EMD: variants seen among roughly 807,000 people sequenced by gnomAD.
EMD encodes LEM domain containing 5.
In EMD, 2 loss-of-function variants were observed where a neutral mutation model predicts 15.2. The ratio of observed to expected loss-of-function variants is 0.13; its 90% CI spans 0.05 to 0.41. The LOEUF is 0.41. Ranked by LOEUF, EMD falls within the 10% of genes least tolerant of loss-of-function variation. The pLI is 0.99. For missense variants in EMD, 224 were observed against 213.4 expected (o/e 1.05, Z -0.31); for synonymous variants, 122 against 86.2 (o/e 1.42, Z -2.30).
At position 154,381,108 on chromosome X, in the gene EMD, T is replaced by C. The variant is rs1557182696; in HGVS notation, c.676T>C (p.Trp226Arg). The C allele has an allele frequency of 1.7e-6, 2 of 1,212,099 alleles. No homozygotes were observed. Among genetic ancestry groups the C allele is most frequent in the Admixed American group, 4.3e-5 (2 of 46,122 alleles). The part of the protein sequence containing the change: ...GLGQDRQVPL[W>R]GQLLLFLVFV... ...GGGCCAGGATCGCCAGGTCCCGCTC[T>C]GGGGCCAGCTGCTGCTTTTCCTGGT... is the stretch of plus-strand genomic sequence containing the variant. The change falls in exon 6 of 6, where the codon TGG (tryptophan) becomes CGG (arginine). Residue 226 changes from tryptophan (W) to arginine (R), a missense_variant. Transcript: ENST00000369842.
intron 4 of EMD, 26 bp from the exon 5 acceptor site, chrX:154,380,727 C>T (rs1557182532): frequency 2.5e-6 from 3 of 1,209,166 alleles, no homozygotes; most frequent in South Asian, 3.5e-5. Flanking sequence ...GCCAGCCAGT[C>T]CCCTCGCCCT....
rs1557182352 is a variant in EMD, at chrX:154,379,938, C to T, written c.188-4C>T. The T allele has an allele frequency of 8.3e-7, 1 of 1,209,957 alleles. No homozygotes were observed. The highest frequency in any genetic ancestry group is 1.1e-6 in the Non-Finnish European group (1 of 894,078). On this transcript the variant is annotated splice_polypyrimidine_tract_variant and splice_region_variant and intron_variant, in intron 2 of 5. Transcript: ENST00000369842. ...AACAGTTCTGTCTCCTCCTTTCAAT[C>T]CAGACTTGAATTCGACTAGAGGGGA...
chrX:154,379,863 G>A, intron 2 of EMD, 69 bp downstream of exon 2: 1 of 1,172,785 alleles, frequency 8.5e-7, no homozygotes, highest in Non-Finnish European at 1.2e-6. Context: ...GTGGCAGGGG[G>A]GCCGGTCGAG....
Position 154,381,272 on chromosome X carries a change from T to C in EMD, c.*75T>C. On this transcript the variant is annotated 3_prime_UTR_variant, in exon 6 of 6. Transcript: ENST00000369842. ...TGGCTGACTGCCTTAGCAGTGGGGG[T>C]GGGGGTGGGGGCAGGGGCAGGGGCT... The C allele has an allele frequency of 2.6e-5, 1 of 38,377 alleles. No homozygotes were observed. The highest frequency in any genetic ancestry group is 5.1e-5 in the Non-Finnish European group (1 of 19,590). The allele number at this position is 38,377 out of a possible 1,213,427, so 3.2% of individuals were successfully genotyped here.
rs1212579575 is a variant in EMD at position 154,380,766 on chromosome X, A to G, written c.413A>G (p.Asp138Gly). ...TCTCTTCTGCAGGTGCATGATGACG[A>G]TCTTTTGTCTTCTTCTGAAGAGGAG... ...DAFHHQVHDD[D>G]LLSSSEEECK... Residue 138 changes from aspartate to glycine, a missense_variant, in exon 5 of 6, where the codon GAT becomes GGT. Asp to Gly is a moderately conservative substitution (Grantham distance 94). Coordinates refer to ENST00000369842, the MANE Select transcript of EMD (RefSeq NM_000117.3). 2.3e-5 allele frequency: 28 copies of G among 1,211,683 alleles called. No individual in the cohort carries two copies. Among genetic ancestry groups the G allele is most frequent in the Non-Finnish European group, 3.1e-5 (28 of 895,472 alleles).
At position 154,381,397 on chromosome X, in the gene EMD, G is replaced by A. The variant is rs891368835; in HGVS notation, c.*200G>A. On this transcript the variant is annotated 3_prime_UTR_variant, in exon 6 of 6. Transcript: ENST00000369842. ...GAGGCAGCAGACTCAGGCCCTCCAT[G>A]GTCCTCTTTGTCATTTTGTTGACAT... is the stretch of plus-strand genomic sequence containing the variant. The A allele has an allele frequency of 4.4e-6, 2 of 456,390 alleles. No individual in the cohort carries two copies. The highest frequency in any genetic ancestry group is 7.2e-6 in the Non-Finnish European group (2 of 276,861). 37.6% of individuals were successfully genotyped at this position (456,390 alleles called of 1,213,427 possible).
Position 154,379,333 on chromosome X carries a change from G to A in EMD, c.-152G>A. On this transcript the variant is annotated 5_prime_UTR_variant, in exon 1 of 6. Transcript: ENST00000369842. ...AGCGGCCGTGACGCGACAACGATTC[G>A]GCTGTGACGCGACAACGATTCGGCT... 2 of 555,956 alleles carry A rather than the reference G, an allele frequency of 3.6e-6. No homozygotes were observed. The highest frequency in any genetic ancestry group is 2.5e-5 in the African/African-American group (1 of 40,692). The allele number at this position is 555,956 out of a possible 1,213,427, so 45.8% of individuals were successfully genotyped here.
chrX:154,380,580 G>A lies in EMD; in HGVS notation c.400-173G>A, dbSNP rs190410735. On this transcript the variant is annotated intron_variant, in intron 4 of 5. Coordinates refer to ENST00000369842, the MANE Select transcript of EMD (RefSeq NM_000117.3). ...GGGATGCTGGGGCATGAGCACAAGT[G>A]GCAAGGCCCCATGGATAAAGGGCTG... The A allele has an allele frequency of 2.1e-4, 176 of 835,887 alleles. No homozygotes were observed. In the African/African-American group the frequency reaches 3.0e-3, roughly 14 times the overall value. 68.9% of individuals were successfully genotyped at this position (835,887 alleles called of 1,213,427 possible).
rs1463296648 is a variant in EMD at position 154,379,314 on chromosome X, CGTGACGCGACAACGATTCGGCT to C, written c.-139_-118del. The C allele has an allele frequency of 2.1e-4, 103 of 487,802 alleles. No individual in the cohort carries two copies. The highest frequency in any genetic ancestry group is 8.3e-4 in the East Asian group (19 of 22,882). 40.2% of individuals were successfully genotyped at this position (487,802 alleles called of 1,213,427 possible). ...GCGCGCAGCCTGCGGAGCCAGCGGC[CGTGACGCGACAACGATTCGGCT>C]GTGACGCGACAACGATTCGGCTGTG... On this transcript the variant is annotated 5_prime_UTR_variant, in exon 1 of 6. Coordinates refer to ENST00000369842, the MANE Select transcript of EMD (RefSeq NM_000117.3).
At chrX:154,380,065 C>T in intron 3 of EMD, 46 bp downstream of exon 3, 1 of 1,192,878 alleles carries the variant, frequency 8.4e-7, no homozygotes, top group African/African-American at 1.7e-5. Context: ...CACCCGACTT[C>T]GTCAGGGACC....
At chrX:154,380,415 C>T in intron 4 of EMD, 48 bp downstream of exon 4, 2 of 1,209,590 alleles carry the variant, frequency 1.7e-6, no homozygotes, top group Non-Finnish European at 1.1e-6. Flanking sequence ...CCTAGGGGAT[C>T]GCGGCTGTGT....
At chrX:154,379,863 G>T in intron 2 of EMD, 69 bp downstream of exon 2, 1 of 1,172,786 alleles carries the variant, frequency 8.5e-7, no homozygotes, top group Non-Finnish European at 1.2e-6. Flanking sequence ...GTGGCAGGGG[G>T]GCCGGTCGAG....
In EMD at chrX:154,380,194, C is replaced by CACCGGTGCCCCCTCTGCT. The variant is rs1557182415; in HGVS notation, c.266-36_266-35insGTGCCCCCTCTGCTACCG. 5.8e-6 allele frequency: 7 copies of CACCGGTGCCCCCTCTGCT among 1,210,383 alleles called. No individual in the cohort carries two copies. In the East Asian group the frequency reaches 1.8e-4, roughly 31 times the overall value. On this transcript the variant is annotated intron_variant, in intron 3 of 5. Transcript: ENST00000369842. ...TAGGGCCATCAGGCCAGGCGGGGCA[C>CACCGGTGCCCCCTCTGCT]ACCGATGCCCCCTCTGCTACCGCTG...
In EMD at chrX:154,380,271, C is replaced by T. The variant is rs1348212533; in HGVS notation, c.303C>T (p.Thr101=). The change falls in exon 4 of 6, where the codon ACC becomes ACT. Residue 101 remains threonine (T), a synonymous_variant. Coordinates refer to ENST00000369842, the MANE Select transcript of EMD (RefSeq NM_000117.3). The part of the protein sequence containing the change: ...NDDYYEESYF[T]TRTYGEPESA... ...ACTACTATGAAGAGAGCTACTTCAC[C>T]ACCAGGACTTATGGGGAGCCCGAGT... 1.7e-6 allele frequency: 2 copies of T among 1,211,586 alleles called. No individual in the cohort carries two copies. Among genetic ancestry groups the T allele is most frequent in the East Asian group, 3.0e-5 (1 of 33,873 alleles).
intron 3 of EMD, 68 bp from the exon 4 acceptor site, chrX:154,380,166 G>A (rs1396696701): frequency 2.5e-6 from 3 of 1,204,474 alleles, no homozygotes; most frequent in Non-Finnish European, 3.4e-6. Flanking sequence ...ATGGGATTCA[G>A]ATTAGGGCCA....
rs2067874941 is a variant in EMD, at chrX:154,379,718, G to C, written c.111G>C (p.Lys37Asn). The stretch of plus-strand genomic sequence containing the variant: ...CAACTCGTAGGCTTTACGAGAAGAA[G>C]ATCTTCGAGTACGAGACCCAGAGGC... ...VGSTRRLYEK[K>N]IFEYETQRRR... The change falls in exon 2 of 6, where the codon AAG becomes AAC. Residue 37 changes from lysine to asparagine, a missense_variant. Lys to Asn is a moderately conservative substitution (Grantham distance 94). Coordinates refer to ENST00000369842, the MANE Select transcript of EMD (RefSeq NM_000117.3). 1 of 1,208,377 alleles carries C rather than the reference G, an allele frequency of 8.3e-7. No individual in the cohort carries two copies. Among genetic ancestry groups the C allele is most frequent in the Non-Finnish European group, 1.1e-6 (1 of 894,740 alleles).
At position 154,379,780 on chromosome X, in the gene EMD, C is replaced by T. The variant is rs781797234; in HGVS notation, c.173C>T (p.Ser58Phe). Residue 58 changes from serine (S) to phenylalanine (F), a missense_variant, in exon 2 of 6, where the codon TCT (serine) becomes TTT (phenylalanine). Coordinates refer to ENST00000369842, the MANE Select transcript of EMD (RefSeq NM_000117.3). Reference protein sequence around the residue: ...LSPPSSSAASSYSFSDLNSTR... With the variant: ...LSPPSSSAASFYSFSDLNSTR... ...CCCCCCAGCTCGTCCGCCGCCTCCT[C>T]TTATAGCTTCTCTGGTGAGAGCCTC... 15 of 1,203,042 alleles carry T rather than the reference C, an allele frequency of 1.2e-5. No individual in the cohort carries two copies. Among genetic ancestry groups the T allele is most frequent in the Admixed American group, 1.1e-4 (5 of 45,473 alleles).
At chrX:154,379,903 T>TG (rs782215610) in intron 2 of EMD, 39 bp from the exon 3 acceptor site, 96 of 1,194,610 alleles carry the variant, frequency 8.0e-5, no homozygotes, top group South Asian at 7.4e-4. Context: ...GAGGGAAGTC[T>TG]GGGGGGGCAA....
rs1557182427 is a variant in EMD, at chrX:154,380,219, G to GC, written c.266-9dup. ...CACCGATGCCCCCTCTGCTACCGCTGCCCCCCTTCCCAAGGCTACAATGAC... is the reference window on the plus strand; with the variant it reads ...CACCGATGCCCCCTCTGCTACCGCTGCCCCCCCTTCCCAAGGCTACAATGAC... On this transcript the variant is annotated splice_polypyrimidine_tract_variant and intron_variant, in intron 3 of 5. Transcript: ENST00000369842. 6 of 1,211,178 alleles carry GC rather than the reference G, an allele frequency of 5.0e-6. No individual in the cohort carries two copies. Among genetic ancestry groups the GC allele is most frequent in the Admixed American group, 2.2e-5 (1 of 46,105 alleles).
Sources: gnomAD v4.1 joint callset for allele counts on GRCh38, gnomAD v4.1.1 for gene constraint, MANE v1.5 for transcripts, NCBI Gene and HGNC (gene_info 2026-07-23, HGNC 2026-07-21) for gene names.